Variants in DLG2 observed in about 807,000 individuals in gnomAD.
The protein encoded by DLG2 is discs large MAGUK scaffold protein 2.
A neutral mutation model predicts 132.5 loss-of-function variants in DLG2; 45 were observed. The observed-to-expected ratio is 0.34, with a 90% CI of 0.27 to 0.44. DLG2 has a LOEUF of 0.44. DLG2 is among the 20% of genes least tolerant of loss of function. The pLI is 1.00. For synonymous variants in DLG2, 424 were observed against 419.6 expected, an observed-to-expected ratio of 1.01 and a Z score of -0.13; for missense variants, 1,045 against 1,196.9, an observed-to-expected ratio of 0.87 and a Z score of 1.87.
chr11:83,469,457 A>T, intron 24 of DLG2, 84 bp from the exon 25 acceptor site: 1 of 989,724 alleles, frequency 1.0e-6, no homozygotes, highest in Non-Finnish European at 1.5e-6. Context: ...CCACATCCTC[A>T]ACATTGATAT....
At chr11:84,992,057 G>A (rs565393576) in intron 6 of DLG2, among the ~76,000 whole-genome samples, 1 of 151,974 alleles carries the variant, frequency 6.6e-6, no homozygotes, top group African/African-American at 2.4e-5. Context: ...CTTTCCACAT[G>A]CTGCTCTCTC....
At chr11:84,265,309 GA>G (rs1314314551) in intron 7 of DLG2, among the ~76,000 whole-genome samples, 2 of 152,136 alleles carry the variant, frequency 1.3e-5, no homozygotes, top group Non-Finnish European at 2.9e-5. Flanking sequence ...ACTGTGTTAA[GA>G]GTTCAATTCA....
At chr11:85,073,830 G>C (rs1350539495) in intron 6 of DLG2, among the ~76,000 whole-genome samples, 1 of 151,728 alleles carries the variant, frequency 6.6e-6, no homozygotes, top group Admixed American at 6.6e-5. Flanking sequence ...AGTCACAATA[G>C]CAAAGACATA....
At chr11:84,369,120 T>C (rs867247829) in intron 7 of DLG2, among the ~76,000 whole-genome samples, 1 of 152,138 alleles carries the variant, frequency 6.6e-6, no homozygotes, top group Non-Finnish European at 1.5e-5. Flanking sequence ...TACTGCAATA[T>C]GGCCGTGTTT....
At chr11:84,714,403 T>C (rs887015711) in intron 6 of DLG2, among the ~76,000 whole-genome samples, 1 of 151,992 alleles carries the variant, frequency 6.6e-6, no homozygotes, top group Non-Finnish European at 1.5e-5. Flanking sequence ...AAAAGGGGTC[T>C]GGGAGAGGTG....
intron 7 of DLG2, among the ~76,000 whole-genome samples, chr11:84,343,420 A>G (rs2098524827): frequency 1.3e-5 from 2 of 152,214 alleles, no homozygotes; most frequent in African/African-American, 2.4e-5. Flanking sequence ...GCAAGTCACT[A>G]GCCTTCTCTT....
In DLG2 at chr11:83,770,265, G is replaced by GTTTTTTTTTTT. The variant is rs71066064; in HGVS notation, c.1825+16424_1825+16425insAAAAAAAAAAA. Among the ~76,000 whole-genome samples the GTTTTTTTTTTT allele has an allele frequency of 9.3e-4, 120 of 128,756 alleles. 8 individuals carry two copies. Among genetic ancestry groups the GTTTTTTTTTTT allele is most frequent in the African/African-American group, 3.6e-3 (111 of 30,544 alleles). The allele number at this position is 128,756 out of a possible 152,430, so 84.5% of individuals were successfully genotyped here. On this transcript the variant is annotated intron_variant, in intron 18 of 27. Coordinates refer to ENST00000376104, the MANE Select transcript of DLG2 (RefSeq NM_001142699.3). ...CTCGTGGTGTCTGGTGTTTTTTTTT[G>GTTTTTTTTTTT]TTTTTTTGCTTTTTGTACAAAGATT...
Position 85,495,986 on chromosome 11 carries a change from G to A in DLG2, c.40+102671C>T, listed in dbSNP as rs957787383. 7.9e-5 allele frequency among the ~76,000 whole-genome samples: 12 copies of A among 152,256 alleles called. No individual in the cohort carries two copies. The South Asian group carries it at 8.3e-4, about 11-fold the overall frequency. On this transcript the variant is annotated intron_variant, in intron 3 of 27. Coordinates refer to ENST00000376104, the MANE Select transcript of DLG2 (RefSeq NM_001142699.3). ...CTCTACAGCTCCCAGTGAGATCGACGCAGAAGACACGTGATTTCTGCATTT... is the reference window on the plus strand; with the variant it reads ...CTCTACAGCTCCCAGTGAGATCGACACAGAAGACACGTGATTTCTGCATTT...
At chr11:85,135,296 T>C (rs1169498118) in intron 5 of DLG2, among the ~76,000 whole-genome samples, 1 of 152,222 alleles carries the variant, frequency 6.6e-6, no homozygotes, top group East Asian at 1.9e-4. Context: ...TAACTTTCAA[T>C]AGCAACATTA....
In DLG2 at chr11:85,050,117, A is replaced by ATC. The variant is rs1271495123; in HGVS notation, c.357+61542_357+61543dup. Among the ~76,000 whole-genome samples, 11 of 41,432 alleles carry ATC rather than the reference A, an allele frequency of 2.7e-4. No homozygotes were observed. In the South Asian group the frequency reaches 9.1e-3, roughly 34 times the overall value. 27.2% of individuals were successfully genotyped at this position (41,432 alleles called of 152,430 possible). A position where few individuals can be genotyped will look rare whatever the true frequency, so the allele number is the denominator to read the frequency against. ...AGGAAGAGAACTGACCCACTGTGTC[A>ATC]TCACACACACACACACACACACACA... On this transcript the variant is annotated intron_variant, in intron 6 of 27. Coordinates refer to ENST00000376104, the MANE Select transcript of DLG2 (RefSeq NM_001142699.3).
intron 15 of DLG2, among the ~76,000 whole-genome samples, chr11:83,878,886 T>C (rs1219647027): frequency 6.6e-6 from 1 of 152,132 alleles, no homozygotes; most frequent in African/African-American, 2.4e-5. Context: ...GAGATAAATA[T>C]TACTAAGCCT....
chr11:83,967,661 A>G (rs2090500608), intron 12 of DLG2, among the ~76,000 whole-genome samples: 1 of 151,866 alleles, frequency 6.6e-6, no homozygotes, highest in Non-Finnish European at 1.5e-5. Context: ...ATGGTTTGCA[A>G]TTTTTTCCCA....
intron 7 of DLG2, among the ~76,000 whole-genome samples, chr11:84,394,263 T>C (rs1364249748): frequency 6.6e-6 from 1 of 152,104 alleles, no homozygotes; most frequent in African/African-American, 2.4e-5. Flanking sequence ...CACTCTAGGA[T>C]CACTTTCCTT....
intron 6 of DLG2, among the ~76,000 whole-genome samples, chr11:85,049,435 A>G (rs916457230): frequency 2.1e-5 from 3 of 141,002 alleles, no homozygotes; most frequent in African/African-American, 7.4e-5. Flanking sequence ...AGTATTTGCT[A>G]TATCATTAGA....
intron 16 of DLG2, among the ~76,000 whole-genome samples, chr11:83,854,003 C>T (rs2154032363): frequency 6.6e-6 from 1 of 152,172 alleles, no homozygotes; most frequent in Non-Finnish European, 1.5e-5. Flanking sequence ...CCAAAATCTC[C>T]TGGAACTAAT....
At chr11:84,579,903 A>G (rs2099512419) in intron 6 of DLG2, among the ~76,000 whole-genome samples, 1 of 152,214 alleles carries the variant, frequency 6.6e-6, no homozygotes, top group African/African-American at 2.4e-5. Flanking sequence ...GTGGGGGCTG[A>G]TGGAGAATGA....
chr11:84,885,670 G>A (rs1299702749), intron 6 of DLG2, among the ~76,000 whole-genome samples: 1 of 152,042 alleles, frequency 6.6e-6, no homozygotes, highest in African/African-American at 2.4e-5. Context: ...CCATCTCATA[G>A]GATAAATGTG....
chr11:84,757,903 A>C (rs1565886568), intron 6 of DLG2, among the ~76,000 whole-genome samples: 1 of 152,190 alleles, frequency 6.6e-6, no homozygotes, highest in African/African-American at 2.4e-5. Flanking sequence ...TCAGCCAAAA[A>C]GGCATGCCTC....
At chr11:84,905,533 G>C (rs1194072994) in intron 6 of DLG2, among the ~76,000 whole-genome samples, 1 of 152,010 alleles carries the variant, frequency 6.6e-6, no homozygotes, top group African/African-American at 2.4e-5. Context: ...AACAGACACA[G>C]ATAACCACAG....
Sources: gnomAD v4.1 joint callset for allele counts (sites outside exome capture counted in the v4.1 genomes callset) on GRCh38, gnomAD v4.1.1 for gene constraint, MANE v1.5 for transcripts, NCBI Gene and HGNC (gene_info 2026-07-23, HGNC 2026-07-21) for gene names.